NPHP1: variants seen among roughly 807,000 people sequenced by gnomAD.
NPHP1 encodes nephrocystin 1.
Under a neutral mutation model 90.4 loss-of-function variants are expected in NPHP1, and 70 were observed. The observed-to-expected ratio is 0.77, with a 90% CI of 0.64 to 0.95. The LOEUF (loss-of-function observed/expected upper bound fraction) is 0.95. NPHP1 is among the 40% of genes least tolerant of loss of function. The pLI, the probability that NPHP1 is intolerant of heterozygous loss-of-function variation, is 0.00. For synonymous variants in NPHP1, 256 were observed against 271.7 expected (o/e 0.94, Z 0.57); for missense variants, 764 against 795.9 (o/e 0.96, Z 0.48).
In NPHP1 at chr2:110,132,874, C is replaced by T. The variant is rs573666779; in HGVS notation, c.1530-1083G>A. ...TAACTTTAGGATGTTATATGTAATACCATGGTAACCACAAAGAAAATAACT... is the reference window on the plus strand; with the variant it reads ...TAACTTTAGGATGTTATATGTAATATCATGGTAACCACAAAGAAAATAACT... On this transcript the variant is annotated intron_variant, in intron 16 of 19. Transcript: ENST00000445609. Among the ~76,000 whole-genome samples, 8 of 151,886 alleles carry T rather than the reference C, an allele frequency of 5.3e-5. No individual in the cohort carries two copies. The South Asian group carries it at 1.7e-3, about 32-fold the overall frequency.
intron 16 of NPHP1, among the ~76,000 whole-genome samples, chr2:110,134,805 C>A (rs1381663255): frequency 6.6e-6 from 1 of 151,908 alleles, no homozygotes; most frequent in Non-Finnish European, 1.5e-5. Flanking sequence ...AAACACTCAA[C>A]AAACTAGGAA....
intron 2 of NPHP1, among the ~76,000 whole-genome samples, chr2:110,182,385 G>A (rs1683967771): frequency 6.6e-6 from 1 of 151,626 alleles, no homozygotes; most frequent in African/African-American, 2.4e-5. Context: ...CAGCCAGAGA[G>A]AAAGGCCAGC....
chr2:110,166,776 C>T (rs13003985), intron 6 of NPHP1, among the ~76,000 whole-genome samples: 2,989 of 152,204 alleles, frequency 0.02, 42 homozygotes, highest in Non-Finnish European at 0.028. Flanking sequence ...TTCTTTGCAA[C>T]ATAATCGATA....
At chr2:110,153,507 G>A (rs1574103936) in intron 11 of NPHP1, among the ~76,000 whole-genome samples, 2 of 152,082 alleles carry the variant, frequency 1.3e-5, no homozygotes, top group African/African-American at 2.4e-5. Flanking sequence ...TACAAGCTAG[G>A]GAAAGTAAAG....
At chr2:110,131,130 A>T (rs1429123954) in intron 17 of NPHP1, among the ~76,000 whole-genome samples, 1 of 152,172 alleles carries the variant, frequency 6.6e-6, no homozygotes, top group Non-Finnish European at 1.5e-5. Flanking sequence ...TGCAGGTTCA[A>T]TCATGTATGG....
intron 11 of NPHP1, among the ~76,000 whole-genome samples, chr2:110,152,076 C>G (rs760549807): frequency 4.6e-5 from 7 of 152,132 alleles, no homozygotes; most frequent in Non-Finnish European, 7.4e-5. Context: ...AATCACACTG[C>G]TTTCTGTGCA....
rs573837144 is a variant in NPHP1, at chr2:110,132,173, TC to T, written c.1530-383del. On this transcript the variant is annotated intron_variant, in intron 16 of 19. Coordinates refer to ENST00000445609, the MANE Select transcript of NPHP1 (RefSeq NM_001128178.3). ...ATTTGGTGAATGCAGAAGAAATAATTCAGGCTGTTCACAGTACTGGGTGGAA... is the reference window on the plus strand; with the variant it reads ...ATTTGGTGAATGCAGAAGAAATAATTAGGCTGTTCACAGTACTGGGTGGAA... Among the ~76,000 whole-genome samples the T allele has an allele frequency of 4.1e-4, 62 of 152,294 alleles. 1 individual carries two copies. The highest frequency in any genetic ancestry group is 1.4e-3 in the African/African-American group (60 of 41,570).
intron 16 of NPHP1, among the ~76,000 whole-genome samples, chr2:110,136,510 G>A (rs1416131484): frequency 6.6e-6 from 1 of 152,082 alleles, no homozygotes. Context: ...AAAATCACAA[G>A]CATTCTTATA....
At chr2:110,188,018 A>G (rs1684416805) in intron 2 of NPHP1, among the ~76,000 whole-genome samples, 1 of 152,204 alleles carries the variant, frequency 6.6e-6, no homozygotes, top group Non-Finnish European at 1.5e-5. Context: ...ATATACCTCA[A>G]AATAATCAGA....
intron 11 of NPHP1, among the ~76,000 whole-genome samples, chr2:110,158,154 T>A (rs560656902): frequency 2.0e-5 from 3 of 152,264 alleles, no homozygotes; most frequent in South Asian, 4.1e-4. Flanking sequence ...TTCCATGTAA[T>A]CAAGGACCAT....
At chr2:110,135,733 A>C (rs750048991) in intron 16 of NPHP1, among the ~76,000 whole-genome samples, 5 of 152,170 alleles carry the variant, frequency 3.3e-5, no homozygotes, top group Admixed American at 6.5e-5. Context: ...CAAAAGGAAG[A>C]TGTCTTTGGG....
At chr2:110,144,280 C>G (rs1680854004) in intron 15 of NPHP1, 1 of 557,892 alleles carries the variant, frequency 1.8e-6, no homozygotes, top group African/African-American at 1.9e-5. Context: ...TCTCATTCTT[C>G]ATGATTTCAT....
chr2:110,148,261 C>T (rs1681215677), intron 12 of NPHP1, among the ~76,000 whole-genome samples: 1 of 151,934 alleles, frequency 6.6e-6, no homozygotes, highest in Non-Finnish European at 1.5e-5. Context: ...GTGTGTGGCA[C>T]CTCCTTCCTC....
chr2:110,140,631 T>C (rs766974777), intron 16 of NPHP1, among the ~76,000 whole-genome samples: 1 of 152,022 alleles, frequency 6.6e-6, no homozygotes, highest in Non-Finnish European at 1.5e-5. Flanking sequence ...ATCAACAAGA[T>C]GAGGAGTGGG....
chr2:110,199,846 G>C (rs755051855), intron 2 of NPHP1, among the ~76,000 whole-genome samples: 1 of 152,172 alleles, frequency 6.6e-6, no homozygotes, highest in Non-Finnish European at 1.5e-5. Context: ...GCACTGAGCA[G>C]ATAAAAATGA....
Position 110,169,899 on chromosome 2 carries a change from T to C in NPHP1, c.429A>G (p.Lys143=). The C allele has an allele frequency of 6.2e-7, 1 of 1,612,646 alleles. No individual in the cohort carries two copies. The highest frequency in any genetic ancestry group is 8.5e-7 in the Non-Finnish European group (1 of 1,178,754). Residue 143 remains lysine (K), a synonymous_variant, in exon 5 of 20, where the codon AAA becomes AAG. Coordinates refer to ENST00000445609, the MANE Select transcript of NPHP1 (RefSeq NM_001128178.3). ...ACCATTTGTGAGATTCATTTTCCTC[T>C]TTCTCTTCCTCTTCCTCCTCTGCAT... The part of the protein sequence containing the change: ...EEDAEEEEEE[K]EENESHKWST...
chr2:110,146,452 T>C (rs866088880), intron 14 of NPHP1, among the ~76,000 whole-genome samples: 3 of 152,140 alleles, frequency 2.0e-5, no homozygotes, highest in Admixed American at 6.5e-5. Context: ...ACAACTAGGC[T>C]CTGTTTTCAG....
chr2:110,132,901 T>C (rs980628356), intron 16 of NPHP1, among the ~76,000 whole-genome samples: 14 of 152,014 alleles, frequency 9.2e-5, no homozygotes, highest in African/African-American at 3.1e-4. Flanking sequence ...AAAATAACTA[T>C]AGAATATTTT....
intron 16 of NPHP1, among the ~76,000 whole-genome samples, chr2:110,133,695 T>A (rs1432776926): frequency 6.6e-6 from 1 of 152,038 alleles, no homozygotes; most frequent in Non-Finnish European, 1.5e-5. Context: ...TTTTCAATCA[T>A]AATGAAATGA....
Sources: allele counts gnomAD v4.1 joint callset (sites outside exome capture counted in the v4.1 genomes callset), GRCh38; gene constraint gnomAD v4.1.1; transcripts MANE v1.5; gene names NCBI Gene and HGNC (gene_info 2026-07-23, HGNC 2026-07-21).